The following DGLUCY variants were observed in gnomAD, a reference collection of about 807,000 sequenced individuals.
DGLUCY encodes D-glutamate cyclase, also known as D-glutamate cyclase, mitochondrial.
A neutral mutation model predicts 58.5 loss-of-function variants in DGLUCY; 58 were observed. The ratio of observed to expected loss-of-function variants is 0.99; its 90% CI spans 0.80 to 1.23. DGLUCY has a LOEUF of 1.23. Ranked by LOEUF, DGLUCY falls within the 50% of genes most tolerant of loss-of-function variation. DGLUCY has a pLI of 0.00. For missense variants in DGLUCY, 779 were observed against 784.7 expected, an observed-to-expected ratio of 0.99 and a Z score of 0.09; for synonymous variants, 325 against 314.1, an observed-to-expected ratio of 1.03 and a Z score of -0.37.
chr14:91,093,343 G>A (rs1252399707), intron 1 of DGLUCY, among the ~76,000 whole-genome samples: 3 of 152,160 alleles, frequency 2.0e-5, no homozygotes, highest in Non-Finnish European at 4.4e-5. Flanking sequence ...TGTGGAAATG[G>A]AAATGCAAGT....
chr14:91,096,177 G>T (rs2140074145), intron 1 of DGLUCY, among the ~76,000 whole-genome samples: 1 of 152,308 alleles, frequency 6.6e-6, no homozygotes, highest in South Asian at 2.1e-4. Context: ...ACTTTGGGAG[G>T]CTGAGGCAGG....
chr14:91,106,394 T>G (rs904725074), upstream of DGLUCY, among the ~76,000 whole-genome samples: 3 of 151,924 alleles, frequency 2.0e-5, no homozygotes, highest in African/African-American at 7.3e-5. Flanking sequence ...CATGACTGTA[T>G]TTTAAAACTG....
intron 1 of DGLUCY, chr14:91,091,151 A>G (rs1401769303): frequency 6.6e-6 from 1 of 152,166 alleles, no homozygotes; most frequent in African/African-American, 2.4e-5. Context: ...TAAAAATACA[A>G]TACAATACCA....
chr14:91,222,607 T>A (rs541433323), intron 13 of DGLUCY, among the ~76,000 whole-genome samples: 2 of 152,190 alleles, frequency 1.3e-5, no homozygotes, highest in Non-Finnish European at 2.9e-5. Flanking sequence ...AGAACAGAAA[T>A]GCAGGCTCTC....
At chr14:91,188,326 T>A (rs1421991596) in intron 8 of DGLUCY, among the ~76,000 whole-genome samples, 2 of 152,056 alleles carry the variant, frequency 1.3e-5, no homozygotes, top group Non-Finnish European at 2.9e-5. Flanking sequence ...CACGATCCAA[T>A]ACAGAGAACC....
At chr14:91,072,168 C>CA (rs1595607490) in intron 1 of DGLUCY, among the ~76,000 whole-genome samples, 1 of 151,990 alleles carries the variant, frequency 6.6e-6, no homozygotes, top group East Asian at 1.9e-4. Flanking sequence ...ACTAAAAATA[C>CA]AAAAAACTAA....
At chr14:91,218,204 TC>T (rs988084185) in intron 13 of DGLUCY, among the ~76,000 whole-genome samples, 1 of 152,074 alleles carries the variant, frequency 6.6e-6, no homozygotes, top group Non-Finnish European at 1.5e-5. Context: ...TCTTTATACT[TC>T]CTGGATCTGA....
At chr14:91,220,883 T>C (rs963495007) in intron 13 of DGLUCY, 1 of 350,396 alleles carries the variant, frequency 2.9e-6, no homozygotes, top group Admixed American at 3.7e-5. Context: ...TCCCTGGGAG[T>C]GGGCAAGCCA....
intron 1 of DGLUCY, among the ~76,000 whole-genome samples, chr14:91,082,776 C>G (rs1422851184): frequency 6.6e-6 from 1 of 152,030 alleles, no homozygotes; most frequent in Admixed American, 6.5e-5. Flanking sequence ...TTTTTTGAGA[C>G]AAGGCCTTGC....
intron 1 of DGLUCY, among the ~76,000 whole-genome samples, chr14:91,102,606 G>C (rs1366524745): frequency 6.6e-6 from 1 of 152,096 alleles, no homozygotes; most frequent in Non-Finnish European, 1.5e-5. Context: ...GCAAACTTTG[G>C]TTTTCTTCTT....
chr14:91,060,427 T>G (rs2043617755), exon 1 of DGLUCY: 5 of 1,486,284 alleles, frequency 3.4e-6, no homozygotes, highest in Middle Eastern at 1.8e-4. Flanking sequence ...GCCACCCTCC[T>G]CCTCCATCTT....
intron 1 of DGLUCY, among the ~76,000 whole-genome samples, chr14:91,119,937 A>C (rs751111966): frequency 1.3e-5 from 2 of 151,952 alleles, no homozygotes; most frequent in Admixed American, 6.6e-5. Flanking sequence ...TTGGACTTAC[A>C]CCAGTGGTTT....
In DGLUCY at chr14:91,123,452, C is replaced by T. The variant is rs367946097; in HGVS notation, c.-82+9169C>T. On this transcript the variant is annotated intron_variant, in intron 1 of 13. Transcript: ENST00000256324. ...GTTTGGGAAAACTGTCATACTGACGCGCTAGGTTGGGAGAGATGAGGTGGA... is the reference window on the plus strand; with the variant it reads ...GTTTGGGAAAACTGTCATACTGACGTGCTAGGTTGGGAGAGATGAGGTGGA... Among the ~76,000 whole-genome samples the T allele has an allele frequency of 1.5e-3, 217 of 149,014 alleles. 2 individuals carry two copies. Among genetic ancestry groups the T allele is most frequent in the African/African-American group, 5.0e-3 (200 of 40,124 alleles).
chr14:91,140,221 CT>C (rs766114325), intron 1 of DGLUCY, among the ~76,000 whole-genome samples: 3 of 152,258 alleles, frequency 2.0e-5, no homozygotes, highest in Admixed American at 1.3e-4. Flanking sequence ...CCTTCTTCTC[CT>C]TCTTCACAAC....
rs556270955 is a variant in DGLUCY at position 91,067,557 on chromosome 14, C to CT, written c.-82+6862dup. Among the ~76,000 whole-genome samples, 177 of 146,796 alleles carry CT rather than the reference C, an allele frequency of 1.2e-3. 2 individuals carry two copies. The highest frequency in any genetic ancestry group is 3.0e-3 in the East Asian group (15 of 5,012). ...ACATTACCAATATCTTTTTTTTTTT[C>CT]TTTTTTTTTGAGACAAGGCCTTACT... On this transcript the variant is annotated intron_variant, in intron 1 of 4. Coordinates refer to the DGLUCY transcript ENST00000521334.
At position 91,078,036 on chromosome 14, in the gene DGLUCY, G is replaced by A. The variant is rs148522015; in HGVS notation, c.-82+17332G>A. On this transcript the variant is annotated intron_variant, in intron 1 of 4. Coordinates refer to the DGLUCY transcript ENST00000521334. ...AATACTAAGCTATTTTGTTTTTATT[G>A]TTATTATTATTTTTGAGACAGCTGC... Among the ~76,000 whole-genome samples, 1,147 of 152,108 alleles carry A rather than the reference G, an allele frequency of 7.5e-3. 10 individuals are homozygous for A. Among genetic ancestry groups the A allele is most frequent in the Middle Eastern group, 0.027 (8 of 294 alleles).
intron 3 of DGLUCY, among the ~76,000 whole-genome samples, chr14:91,160,792 G>A (rs1054338283): frequency 6.6e-6 from 1 of 152,084 alleles, no homozygotes; most frequent in African/African-American, 2.4e-5. Flanking sequence ...TTATTCTCTG[G>A]TGGCACCCAT....
At chr14:91,131,042 G>C (rs542889060) in intron 1 of DGLUCY, among the ~76,000 whole-genome samples, 1 of 151,912 alleles carries the variant, frequency 6.6e-6, no homozygotes, top group African/African-American at 2.4e-5. Flanking sequence ...CAACCTCCCC[G>C]GCTCAAGCAA....
intron 10 of DGLUCY, 146 bp downstream of exon 10, chr14:91,196,620 T>C: frequency 1.5e-6 from 1 of 657,596 alleles, no homozygotes; most frequent in East Asian, 2.8e-5. Flanking sequence ...TGGACCAGAC[T>C]AACAAATGAG....
Sources: gnomAD v4.1 joint callset for allele counts (sites outside exome capture counted in the v4.1 genomes callset) on GRCh38, gnomAD v4.1.1 for gene constraint, MANE v1.5 for transcripts, NCBI Gene and HGNC (gene_info 2026-07-23, HGNC 2026-07-21) for gene names.